Variants in BBX observed in about 807,000 individuals in gnomAD.
BBX encodes the protein BBX high mobility group box domain containing.
A neutral mutation model predicts 100.2 loss-of-function variants in BBX; 30 were observed. The ratio of observed to expected loss-of-function variants is 0.30; its 90% confidence interval spans 0.22 to 0.41. BBX has a LOEUF of 0.41. Ranked by LOEUF, BBX falls within the 10% of genes least tolerant of loss-of-function variation. The pLI is 1.00. For missense variants in BBX, 1,023 were observed against 1,129.8 expected (o/e 0.91, Z 1.35); for synonymous variants, 376 against 388.1 (o/e 0.97, Z 0.37).
chr3:107,701,252 G>A (rs1240940706), intron 3 of BBX, among the ~76,000 whole-genome samples: 1 of 152,162 alleles, frequency 6.6e-6, no homozygotes, highest in Non-Finnish European at 1.5e-5. Context: ...GGGAAGGGCA[G>A]TATGGGGACA....
chr3:107,629,319 G>A (rs1320499594), intron 2 of BBX, among the ~76,000 whole-genome samples: 1 of 152,166 alleles, frequency 6.6e-6, no homozygotes, highest in Non-Finnish European at 1.5e-5. Flanking sequence ...CAGGGTCCAT[G>A]AATATATAAA....
intron 11 of BBX, among the ~76,000 whole-genome samples, chr3:107,774,109 T>C (rs1176667189): frequency 6.6e-6 from 1 of 152,198 alleles, no homozygotes; most frequent in Non-Finnish European, 1.5e-5. Flanking sequence ...ACACCTGTAG[T>C]CCCAGCGCTT....
chr3:107,778,881 G>T (rs2067556204), intron 13 of BBX, among the ~76,000 whole-genome samples: 2 of 151,142 alleles, frequency 1.3e-5, no homozygotes, highest in African/African-American at 4.9e-5. Flanking sequence ...GTCCGCAACA[G>T]GTTGAACTCG....
intron 3 of BBX, among the ~76,000 whole-genome samples, chr3:107,650,191 G>T (rs890366322): frequency 3.3e-5 from 5 of 152,136 alleles, no homozygotes; most frequent in East Asian, 1.9e-4. Flanking sequence ...TCCATGGCCT[G>T]TTAGGAACCA....
At chr3:107,546,129 G>T (rs1006477360) in intron 2 of BBX, among the ~76,000 whole-genome samples, 3 of 152,148 alleles carry the variant, frequency 2.0e-5, no homozygotes, top group African/African-American at 7.2e-5. Flanking sequence ...CAGCTTCCTA[G>T]CTCGGACTCA....
intron 3 of BBX, among the ~76,000 whole-genome samples, chr3:107,695,716 T>C (rs962517650): frequency 1.3e-5 from 2 of 151,582 alleles, no homozygotes; most frequent in African/African-American, 4.9e-5. Context: ...TTAGGTCCGC[T>C]TGGTGCAGAG....
chr3:107,764,339 A>C (rs2066192250), intron 10 of BBX, among the ~76,000 whole-genome samples: 1 of 152,198 alleles, frequency 6.6e-6, no homozygotes, highest in Non-Finnish European at 1.5e-5. Flanking sequence ...TGTGCGAATC[A>C]GAATGCATTT....
At chr3:107,650,674 A>G (rs566408866) in intron 3 of BBX, among the ~76,000 whole-genome samples, 2 of 152,272 alleles carry the variant, frequency 1.3e-5, no homozygotes, top group East Asian at 1.9e-4. Flanking sequence ...CTCTTTATAA[A>G]TGGAGTATTT....
intron 7 of BBX, among the ~76,000 whole-genome samples, chr3:107,737,626 A>G (rs1036090135): frequency 6.6e-6 from 1 of 152,108 alleles, no homozygotes; most frequent in African/African-American, 2.4e-5. Flanking sequence ...AATGCCTTGT[A>G]TGTGTAAGGC....
Position 107,716,977 on chromosome 3 carries a change from A to G in BBX, c.405+128A>G, listed in dbSNP as rs537285203. On this transcript the variant is annotated intron_variant, in intron 5 of 17. Transcript: ENST00000325805. ...GTGAATCATAAATGAGATGTTAAGTAAAAACATAACCGCTTTCTTTGTATG... is the reference window on the plus strand; with the variant it reads ...GTGAATCATAAATGAGATGTTAAGTGAAAACATAACCGCTTTCTTTGTATG... 24 of 1,210,138 alleles carry G rather than the reference A, an allele frequency of 2.0e-5. No individual in the cohort carries two copies. The Admixed American group carries it at 4.5e-4, about 23-fold the overall frequency. 75.0% of individuals were successfully genotyped at this position (1,210,138 alleles called of 1,614,324 possible).
At position 107,805,442 on chromosome 3, in the gene BBX, C is replaced by G; in HGVS notation, c.2811C>G (p.Ser937=). Residue 937 remains serine (S), a synonymous_variant, in exon 18 of 18, where the codon TCC becomes TCG. Transcript: ENST00000325805. ...TGCCGCAGGCTCCTGTACTTATTTC[C>G]TGCGCTGACCAGTGAAGCGCCCTTT... ...KEMPQAPVLI[S]CADQ The G allele has an allele frequency of 1.2e-6, 2 of 1,614,198 alleles. No homozygotes were observed. Among genetic ancestry groups the G allele is most frequent in the Non-Finnish European group, 1.7e-6 (2 of 1,179,998 alleles).
chr3:107,573,278 G>A (rs2051505993), intron 2 of BBX, among the ~76,000 whole-genome samples: 1 of 152,074 alleles, frequency 6.6e-6, no homozygotes, highest in Non-Finnish European at 1.5e-5. Flanking sequence ...AATGTTTGTT[G>A]GCTGGGTGCG....
intron 5 of BBX, among the ~76,000 whole-genome samples, chr3:107,721,270 G>A (rs1049317751): frequency 5.3e-5 from 8 of 151,992 alleles, no homozygotes; most frequent in Middle Eastern, 3.2e-3. Flanking sequence ...GACTTTGTGA[G>A]ACTTTTGTGA....
intron 3 of BBX, among the ~76,000 whole-genome samples, chr3:107,659,995 A>G (rs990502711): frequency 5.3e-5 from 8 of 152,150 alleles, no homozygotes; most frequent in Non-Finnish European, 1.2e-4. Context: ...GTGAAGAGAT[A>G]GTGAGTTTTC....
At chr3:107,712,786 C>T (rs1378157443) in intron 4 of BBX, among the ~76,000 whole-genome samples, 1 of 152,212 alleles carries the variant, frequency 6.6e-6, no homozygotes, top group Admixed American at 6.5e-5. Context: ...AGGGCAGGGA[C>T]TCTGTGTGCT....
intron 7 of BBX, among the ~76,000 whole-genome samples, chr3:107,743,614 CA>C (rs916761210): frequency 6.6e-6 from 1 of 152,192 alleles, no homozygotes; most frequent in Non-Finnish European, 1.5e-5. Flanking sequence ...AACACGTCCT[CA>C]ATGTCTTAAG....
At chr3:107,628,969 CTTGAAAGAAGTGT>C (rs2056378644) in intron 2 of BBX, among the ~76,000 whole-genome samples, 1 of 152,124 alleles carries the variant, frequency 6.6e-6, no homozygotes, top group African/African-American at 2.4e-5. Flanking sequence ...TCTTTTTCCA[CTTGAAAGAAGTGT>C]TTTGATTTCT....
At chr3:107,623,470 A>G (rs968236623) in intron 2 of BBX, among the ~76,000 whole-genome samples, 1 of 152,208 alleles carries the variant, frequency 6.6e-6, no homozygotes, top group African/African-American at 2.4e-5. Flanking sequence ...TGCCACATGC[A>G]TCTTGTCCAG....
chr3:107,695,725 A>G (rs1576376020), intron 3 of BBX, among the ~76,000 whole-genome samples: 1 of 151,484 alleles, frequency 6.6e-6, no homozygotes, highest in South Asian at 2.1e-4. Flanking sequence ...CTTGGTGCAG[A>G]GCTGAGTTCA....
Sources: gnomAD v4.1 joint callset for allele counts (sites outside exome capture counted in the v4.1 genomes callset) on GRCh38, gnomAD v4.1.1 for gene constraint, MANE v1.5 for transcripts, NCBI Gene and HGNC (gene_info 2026-07-23, HGNC 2026-07-21) for gene names.